The following PDE11A variants were observed in gnomAD, a reference collection of about 807,000 sequenced individuals.
PDE11A encodes dual 3',5'-cyclic-AMP and -GMP phosphodiesterase 11A.
PDE11A carries 100 observed loss-of-function variants against 100.5 expected under a neutral mutation model. The ratio of observed to expected loss-of-function variants is 1.00; its 90% CI spans 0.85 to 1.18. The LOEUF (loss-of-function observed/expected upper bound fraction) is 1.18, where lower values mean the gene tolerates loss of function less well. Among genes scored for constraint, PDE11A ranks in the 50% most tolerant of loss-of-function variants. The pLI, the probability that PDE11A is intolerant of heterozygous loss-of-function variation, is 0.00. For missense variants in PDE11A, 1,141 were observed against 1,152.6 expected (o/e 0.99, Z 0.15); for synonymous variants, 381 against 420.8 (o/e 0.91, Z 1.16).
intron 1 of PDE11A, among the ~76,000 whole-genome samples, chr2:178,043,508 A>T (rs910949077): frequency 9.9e-5 from 15 of 152,182 alleles, no homozygotes; most frequent in African/African-American, 3.6e-4. Context: ...GCGGAGACAT[A>T]AGAGTCATAC....
At chr2:178,000,190 A>G (rs2086126679) in intron 2 of PDE11A, among the ~76,000 whole-genome samples, 1 of 149,702 alleles carries the variant, frequency 6.7e-6, no homozygotes, top group African/African-American at 2.4e-5. Flanking sequence ...ATGACCAGAA[A>G]ATGGTTTCAT....
At chr2:177,786,633 A>G (rs2082541888) in intron 9 of PDE11A, among the ~76,000 whole-genome samples, 1 of 152,102 alleles carries the variant, frequency 6.6e-6, no homozygotes, top group Non-Finnish European at 1.5e-5. Context: ...GAAGTTAAAA[A>G]CTTTGAAAAA....
intron 7 of PDE11A, among the ~76,000 whole-genome samples, chr2:177,818,619 T>C (rs1344920): frequency 0.96 from 146,176 of 152,230 alleles, 70,458 homozygotes; most frequent in Middle Eastern, 1. Context: ...TTAGGAATTA[T>C]TACAAGCAAT....
At chr2:178,037,325 C>G (rs1387338112) in intron 1 of PDE11A, among the ~76,000 whole-genome samples, 4 of 152,150 alleles carry the variant, frequency 2.6e-5, no homozygotes, top group Admixed American at 2.6e-4. Context: ...AATGAGATAC[C>G]ATCTCATGCC....
intron 9 of PDE11A, among the ~76,000 whole-genome samples, chr2:177,795,458 T>G (rs2082692911): frequency 1.3e-5 from 2 of 152,114 alleles, no homozygotes; most frequent in African/African-American, 4.8e-5. Flanking sequence ...ATTACCCGCT[T>G]CGGCTTAACT....
intron 2 of PDE11A, among the ~76,000 whole-genome samples, chr2:178,001,136 C>T (rs1559038176): frequency 1.3e-5 from 2 of 152,100 alleles, no homozygotes; most frequent in South Asian, 4.1e-4. Context: ...ACAATATATG[C>T]AAAGCACCTA....
intron 2 of PDE11A, among the ~76,000 whole-genome samples, chr2:177,910,453 C>A (rs551247581): frequency 7.0e-4 from 107 of 152,036 alleles, no homozygotes; most frequent in African/African-American, 2.3e-3. Flanking sequence ...TATACACACA[C>A]ACACATATAT....
At chr2:178,107,473 C>A (rs1467006367) in intron 1 of PDE11A, among the ~76,000 whole-genome samples, 1 of 150,662 alleles carries the variant, frequency 6.6e-6, no homozygotes, top group Non-Finnish European at 1.5e-5. Flanking sequence ...AATAGAGTAA[C>A]AGTAGCAAAC....
intron 5 of PDE11A, among the ~76,000 whole-genome samples, chr2:177,875,515 C>G: frequency 6.6e-6 from 1 of 151,346 alleles, no homozygotes. Context: ...GTAGCTGGGA[C>G]CACAGGCACC....
intron 16 of PDE11A, among the ~76,000 whole-genome samples, chr2:177,677,634 T>C (rs555066476): frequency 1.3e-5 from 2 of 152,144 alleles, no homozygotes; most frequent in East Asian, 3.9e-4. Context: ...AGGAGACTCA[T>C]TGGAGATGTA....
At chr2:177,804,395 G>A (rs1445447349) in intron 9 of PDE11A, among the ~76,000 whole-genome samples, 2 of 151,982 alleles carry the variant, frequency 1.3e-5, no homozygotes, top group African/African-American at 4.8e-5. Flanking sequence ...TTTTACACCA[G>A]TTATAATAGC....
intron 2 of PDE11A, among the ~76,000 whole-genome samples, chr2:178,086,083 T>C (rs1053573436): frequency 6.6e-6 from 1 of 152,040 alleles, no homozygotes; most frequent in Admixed American, 6.6e-5. Flanking sequence ...TCACTCAAAT[T>C]CTCTCTCCCC....
intron 1 of PDE11A, among the ~76,000 whole-genome samples, chr2:178,043,723 C>T (rs911923522): frequency 7.2e-5 from 11 of 152,258 alleles, no homozygotes; most frequent in Middle Eastern, 3.4e-3. Context: ...CAGAGTTTTG[C>T]ACACATGGAA....
At chr2:177,724,819 T>G (rs1021126335) in intron 12 of PDE11A, among the ~76,000 whole-genome samples, 3 of 152,060 alleles carry the variant, frequency 2.0e-5, no homozygotes, top group African/African-American at 7.2e-5. Context: ...TTTTCCCCCT[T>G]TTCTGGAAAC....
intron 1 of PDE11A, among the ~76,000 whole-genome samples, chr2:178,021,407 C>T (rs2086410081): frequency 6.6e-6 from 1 of 152,172 alleles, no homozygotes; most frequent in Admixed American, 6.5e-5. Context: ...ATCAGAATCG[C>T]TGATACAATT....
At chr2:178,002,235 A>G (rs983378522) in intron 2 of PDE11A, among the ~76,000 whole-genome samples, 3 of 152,190 alleles carry the variant, frequency 2.0e-5, no homozygotes, top group African/African-American at 7.2e-5. Context: ...TGTTGCTGCA[A>G]AGGATATGAT....
intron 1 of PDE11A, among the ~76,000 whole-genome samples, chr2:178,065,256 A>C (rs1164713628): frequency 6.6e-6 from 1 of 152,202 alleles, no homozygotes; most frequent in Non-Finnish European, 1.5e-5. Flanking sequence ...ACTTTCCTAT[A>C]AAACAACTAA....
chr2:177,631,605 G>GTA lies in PDE11A; in HGVS notation c.2647-2045_2647-2044dup, dbSNP rs1203352574. On this transcript the variant is annotated intron_variant, in intron 19 of 19. Transcript: ENST00000286063. Reference sequence around the variant, plus strand: ...TATATACACACACATATATATGTGTGTATATATATACATATATGTGTGTGT... The same window carrying GTA: ...TATATACACACACATATATATGTGTGTATATATATATACATATATGTGTGTGT... Among the ~76,000 whole-genome samples, 698 of 101,190 alleles carry GTA rather than the reference G, an allele frequency of 6.9e-3. 39 individuals carry two copies. Among genetic ancestry groups the GTA allele is most frequent in the African/African-American group, 0.02 (440 of 22,260 alleles). 66.4% of individuals were successfully genotyped at this position (101,190 alleles called of 152,430 possible). A position where few individuals can be genotyped will look rare whatever the true frequency, so the allele number is the denominator to read the frequency against.
chr2:177,662,004 C>G (rs1204880961), intron 19 of PDE11A, among the ~76,000 whole-genome samples: 6 of 152,064 alleles, frequency 3.9e-5, no homozygotes, highest in Admixed American at 3.9e-4. Context: ...ATGTATCTAA[C>G]CGACAGATAA....
Sources: allele counts gnomAD v4.1 joint callset (sites outside exome capture counted in the v4.1 genomes callset), GRCh38; gene constraint gnomAD v4.1.1; transcripts MANE v1.5; gene names NCBI Gene and HGNC (gene_info 2026-07-23, HGNC 2026-07-21).